Variants in VPS9D1 observed in about 807,000 individuals in gnomAD.
VPS9D1 encodes VPS9 domain-containing protein 1.
Under a neutral mutation model 75.8 loss-of-function variants are expected in VPS9D1, and 78 were observed. The observed-to-expected ratio is 1.03, with a 90% confidence interval of 0.86 to 1.24. VPS9D1 has a LOEUF of 1.24. VPS9D1 is among the 50% of genes most tolerant of loss of function. The pLI is 0.00. For missense variants in VPS9D1, 1,057 were observed against 847.7 expected, an observed-to-expected ratio of 1.25 and a Z score of -3.07; for synonymous variants, 481 against 385.6, an observed-to-expected ratio of 1.25 and a Z score of -2.90.
At chr16:89,715,290 A>C (rs904406579) in intron 4 of VPS9D1, among the ~76,000 whole-genome samples, 71 of 147,490 alleles carry the variant, frequency 4.8e-4, no homozygotes, top group African/African-American at 1.7e-3. Context: ...GCAGTGGCGC[A>C]ATCTCAACTC....
intron 8 of VPS9D1, 62 bp downstream of exon 8, chr16:89,711,820 G>A (rs568750171): frequency 2.4e-5 from 36 of 1,520,114 alleles, no homozygotes; most frequent in South Asian, 2.3e-4. Context: ...CACCCAGGCG[G>A]CTCTGACCCC....
At position 89,716,611 on chromosome 16, in the gene VPS9D1, C is replaced by T. The variant is rs1199352877; in HGVS notation, c.282G>A (p.Leu94=). Residue 94 remains leucine (L), a synonymous_variant, in exon 4 of 15, where the codon CTG becomes CTA. Transcript: ENST00000389386. ...STAAKLGKTR[L]KPTMPAAAPI... is the part of the protein sequence containing the mutation. ...GAGCAGCTGCAGGCATGGTTGGCTT[C>T]AGGCGTGTTTTCCCTGCAAGCCATG... The T allele has an allele frequency of 6.2e-7, 1 of 1,613,402 alleles. No individual in the cohort carries two copies.
In VPS9D1 at chr16:89,710,827, C is replaced by G; in HGVS notation, c.1017G>C (p.Glu339Asp). ...QSLHCMLSPP[E>D]PSAAPRPQDS... The stretch of plus-strand genomic sequence containing the variant: ...CCTGGGGCCGCGGGGCTGCGCTGGG[C>G]TCGGGCGGGGACAGCATGCAATGGA... Residue 339 changes from glutamate to aspartate, a missense_variant, in exon 10 of 15, where the codon GAG (glutamate) becomes GAC (aspartate). Transcript: ENST00000389386. 6.5e-7 allele frequency: 1 copy of G among 1,532,908 alleles called. No individual in the cohort carries two copies. Among genetic ancestry groups the G allele is most frequent in the South Asian group, 1.2e-5 (1 of 83,686 alleles). The allele number at this position is 1,532,908 out of a possible 1,614,324, so 95.0% of individuals were successfully genotyped here.
intron 4 of VPS9D1, among the ~76,000 whole-genome samples, chr16:89,714,391 C>T (rs182325515): frequency 1.1e-3 from 174 of 152,340 alleles, no homozygotes; most frequent in African/African-American, 3.8e-3. Flanking sequence ...CCAGATTAGT[C>T]TGTGACCCAT....
At chr16:89,719,394 C>A in intron 1 of VPS9D1, 1 of 535,598 alleles carries the variant, frequency 1.9e-6, no homozygotes, top group Non-Finnish European at 3.6e-6. Context: ...GCCTTTCTCT[C>A]CAGCACAGGA....
In VPS9D1 at chr16:89,712,526, G is replaced by GA; in HGVS notation, c.544-5_544-4insT. 1 of 1,612,340 alleles carries GA rather than the reference G, an allele frequency of 6.2e-7. No individual in the cohort carries two copies. The highest frequency in any genetic ancestry group is 8.5e-7 in the Non-Finnish European group (1 of 1,179,762). On this transcript the variant is annotated splice_polypyrimidine_tract_variant and splice_region_variant and intron_variant, in intron 5 of 14. Coordinates refer to ENST00000389386, the MANE Select transcript of VPS9D1 (RefSeq NM_004913.3). ...TCTGCCGCTGTAGAGAGAGGGTCTG[G>GA]GGGGGGAGGAGGGAGTAAGGCCGAC...
chr16:89,716,828 G>C lies in VPS9D1; in HGVS notation c.176-6C>G, dbSNP rs771546957. The C allele has an allele frequency of 6.3e-7, 1 of 1,587,054 alleles. No individual in the cohort carries two copies. The highest frequency in any genetic ancestry group is 1.1e-5 in the South Asian group (1 of 87,680). On this transcript the variant is annotated splice_polypyrimidine_tract_variant and splice_region_variant and intron_variant, in intron 2 of 14. Transcript: ENST00000389386. ...GGGCACAGTTTCCCCAGCTTCTGGG[G>C]GAGGGACAAGAAGGCTGGTCACAGT... is the stretch of plus-strand genomic sequence containing the variant.
intron 11 of VPS9D1, 118 bp downstream of exon 11, chr16:89,709,659 A>C (rs2060870131): frequency 6.6e-7 from 1 of 1,524,930 alleles, no homozygotes; most frequent in African/African-American, 1.4e-5. Context: ...TAGGGGGAGC[A>C]AACACGAGTC....
At chr16:89,712,806 C>G in intron 4 of VPS9D1, 90 bp from the exon 5 acceptor site, 1 of 1,204,680 alleles carries the variant, frequency 8.3e-7, no homozygotes, top group Non-Finnish European at 1.1e-6. Context: ...CCGGATTGCT[C>G]TGAGGCCAGG....
Position 89,718,908 on chromosome 16 carries a change from T to A in VPS9D1, c.175+119A>T, listed in dbSNP as rs1017389280. The A allele has an allele frequency of 5.4e-5, 44 of 817,008 alleles. No homozygotes were observed. In the South Asian group the frequency reaches 6.8e-4, roughly 13 times the overall value. The allele number at this position is 817,008 out of a possible 1,614,324, so 50.6% of individuals were successfully genotyped here. A position where few individuals can be genotyped will look rare whatever the true frequency, so the allele number is the denominator to read the frequency against. ...TTTTAGATTTTTAGTAGAGACGGGG[T>A]TTCACCATGTTAGCCAGGATGGTTT... On this transcript the variant is annotated intron_variant, in intron 2 of 14. Coordinates refer to ENST00000389386, the MANE Select transcript of VPS9D1 (RefSeq NM_004913.3).
In VPS9D1 at chr16:89,708,956, A is replaced by G. The variant is rs769891876; in HGVS notation, c.1598T>C (p.Val533Ala). Residue 533 changes from valine (V) to alanine (A), a missense_variant and splice_region_variant, in exon 13 of 15, where the codon GTG becomes GCG. By Grantham distance (64) the Val-to-Ala change is moderately conservative. Transcript: ENST00000389386. The stretch of plus-strand genomic sequence containing the variant: ...GACACAGATGATCCGCAGGGTCCGC[A>G]CTGCGCCCCAGACAGGGTTTCAGGG... ...SCPQKKLECI[V>A]RTLRIICVCA... 1.8e-5 allele frequency: 29 copies of G among 1,597,186 alleles called. No homozygotes were observed. The highest frequency in any genetic ancestry group is 6.7e-5 in the African/African-American group (5 of 74,548).
At chr16:89,711,794 G>GT (rs1567545309) in intron 8 of VPS9D1, 88 bp downstream of exon 8, 2 of 1,429,076 alleles carry the variant, frequency 1.4e-6, no homozygotes, top group African/African-American at 1.4e-5. Context: ...CTCTGGCTCC[G>GT]CCCCCCACGG....
chr16:89,712,436 C>T lies in VPS9D1; in HGVS notation c.606+24G>A, dbSNP rs774843594. On this transcript the variant is annotated intron_variant, in intron 6 of 14. Coordinates refer to ENST00000389386, the MANE Select transcript of VPS9D1 (RefSeq NM_004913.3). ...CCACACTGAGTTTCCCCTCGGGGAC[C>T]ACCAGGGCGGTCAGAAAGGCTGCTG... The T allele has an allele frequency of 2.5e-6, 4 of 1,612,054 alleles. No individual in the cohort carries two copies. In the South Asian group the frequency reaches 4.4e-5, roughly 18 times the overall value.
chr16:89,709,025 G>GCCCCCCCCCC, intron 12 of VPS9D1, 69 bp from the exon 13 acceptor site: 9 of 627,190 alleles, frequency 1.4e-5, no homozygotes, highest in South Asian at 9.0e-5. Context: ...CTTATACCCC[G>GCCCCCCCCCC]CCCACCCACC....
chr16:89,719,069 AGTGGATGCTCCTCAGGTATTCC>A lies in VPS9D1; in HGVS notation c.111_132del (p.Glu38IlefsTer7). On this transcript the variant is annotated frameshift_variant, in exon 2 of 15. Transcript: ENST00000389386. LOFTEE classifies it high-confidence loss of function. ...TCTTCTAGTAACACCTGGGAGATATAGTGGATGCTCCTCAGGTATTCCGTGTATGCCTCCTGTGTCCAGGAAA... is the reference window on the plus strand; with the variant it reads ...TCTTCTAGTAACACCTGGGAGATATAGTGTATGCCTCCTGTGTCCAGGAAA... 1 of 1,613,656 alleles carries A rather than the reference AGTGGATGCTCCTCAGGTATTCC, an allele frequency of 6.2e-7. No individual in the cohort carries two copies. Among genetic ancestry groups the A allele is most frequent in the Non-Finnish European group, 8.5e-7 (1 of 1,179,896 alleles).
At chr16:89,710,032 AC>A in intron 10 of VPS9D1, 126 bp from the exon 11 acceptor site, 1 of 1,325,250 alleles carries the variant, frequency 7.5e-7, no homozygotes, top group Non-Finnish European at 1.0e-6. Flanking sequence ...TCCTGCACCC[AC>A]CCCTGACCCT....
Position 89,719,122 on chromosome 16 carries a change from A to C in VPS9D1, c.100-20T>G. ...TGCCTCCTGTGTCCAGGAAAGAGAAAGAGTGGGGTCAGGCCAGTGGAGGGA... is the reference window on the plus strand; with the variant it reads ...TGCCTCCTGTGTCCAGGAAAGAGAACGAGTGGGGTCAGGCCAGTGGAGGGA... On this transcript the variant is annotated intron_variant, in intron 1 of 14. Coordinates refer to ENST00000389386, the MANE Select transcript of VPS9D1 (RefSeq NM_004913.3). 7 of 1,612,114 alleles carry C rather than the reference A, an allele frequency of 4.3e-6. No individual in the cohort carries two copies. Among genetic ancestry groups the C allele is most frequent in the African/African-American group, 1.3e-5 (1 of 75,036 alleles).
intron 4 of VPS9D1, among the ~76,000 whole-genome samples, chr16:89,713,783 C>T (rs917303010): frequency 6.6e-6 from 1 of 151,304 alleles, no homozygotes; most frequent in East Asian, 2.1e-4. Context: ...ATGAGGCAGG[C>T]GGATAATGAG....
chr16:89,711,149 C>G, intron 9 of VPS9D1, 139 bp from the exon 10 acceptor site: 1 of 1,200,200 alleles, frequency 8.3e-7, no homozygotes, highest in Non-Finnish European at 1.1e-6. Flanking sequence ...GCCCCCCGCC[C>G]CCGCTGGGGA....
Sources: gnomAD v4.1 joint callset for allele counts (sites outside exome capture counted in the v4.1 genomes callset) on GRCh38, gnomAD v4.1.1 for gene constraint, MANE v1.5 for transcripts, NCBI Gene and HGNC (gene_info 2026-07-23, HGNC 2026-07-21) for gene names.